Variants in EFCAB5 observed in about 807,000 individuals in gnomAD.
EFCAB5 encodes the protein EF-hand calcium-binding domain-containing protein 5.
EFCAB5 carries 131 observed loss-of-function variants against 167.9 expected under a neutral mutation model. The observed-to-expected ratio is 0.78, with a 90% confidence interval of 0.68 to 0.90. The LOEUF is 0.90. EFCAB5 is among the 40% of genes least tolerant of loss of function. The probability of loss-of-function intolerance (pLI) is 0.00; values close to 1 mark genes in which losing one functional copy is unlikely to be tolerated. For synonymous variants in EFCAB5, 574 were observed against 602.8 expected (o/e 0.95, Z 0.70); for missense variants, 1,663 against 1,745.2 (o/e 0.95, Z 0.84).
intron 3 of EFCAB5, among the ~76,000 whole-genome samples, chr17:29,967,941 C>G (rs1267879879): frequency 7.0e-6 from 1 of 143,576 alleles, no homozygotes; most frequent in Non-Finnish European, 1.5e-5. Flanking sequence ...GTGGCATGAT[C>G]GTGGCTCACT....
At chr17:30,092,227 T>C in intron 21 of EFCAB5, 70 bp downstream of exon 21, 1 of 1,458,206 alleles carries the variant, frequency 6.9e-7, no homozygotes, top group Non-Finnish European at 9.2e-7. Flanking sequence ...GTACAAATCA[T>C]AATTGCATAA....
At chr17:30,098,678 CTT>C (rs773543902) in intron 22 of EFCAB5, among the ~76,000 whole-genome samples, 18 of 152,152 alleles carry the variant, frequency 1.2e-4, no homozygotes, top group Non-Finnish European at 2.6e-4. Context: ...AAATTTCACT[CTT>C]TGTACATTTT....
intron 7 of EFCAB5, among the ~76,000 whole-genome samples, chr17:30,013,726 A>C (rs568311719): frequency 9.9e-5 from 15 of 151,422 alleles, no homozygotes; most frequent in Admixed American, 2.6e-4. Flanking sequence ...GCGGTCTATC[A>C]ATTTTGTTGA....
intron 7 of EFCAB5, among the ~76,000 whole-genome samples, chr17:30,016,848 G>A (rs2069054224): frequency 6.6e-6 from 1 of 152,030 alleles, no homozygotes; most frequent in Non-Finnish European, 1.5e-5. Context: ...AATGAGATAG[G>A]ATGAGGAATT....
chr17:29,997,636 A>G (rs1280108451), intron 6 of EFCAB5, among the ~76,000 whole-genome samples: 1 of 152,134 alleles, frequency 6.6e-6, no homozygotes, highest in African/African-American at 2.4e-5. Context: ...TTCTTGGAAA[A>G]TTCCACAGCA....
At chr17:30,099,146 C>G (rs2071346049) in intron 22 of EFCAB5, among the ~76,000 whole-genome samples, 1 of 152,178 alleles carries the variant, frequency 6.6e-6, no homozygotes, top group African/African-American at 2.4e-5. Context: ...GTATTTTCAG[C>G]TCTCTTGTAT....
At chr17:30,078,192 G>T (rs371467473) in intron 14 of EFCAB5, 23 bp from the exon 15 acceptor site, 1 of 1,589,090 alleles carries the variant, frequency 6.3e-7, no homozygotes, top group South Asian at 1.1e-5. Context: ...GTTAGTTCTT[G>T]GTTTCGTGTT....
chr17:30,012,491 C>T (rs1336430544), intron 7 of EFCAB5, among the ~76,000 whole-genome samples: 13 of 152,164 alleles, frequency 8.5e-5, no homozygotes, highest in South Asian at 2.1e-4. Flanking sequence ...CTCTCTGCCT[C>T]GGCTGCCAGG....
intron 4 of EFCAB5, among the ~76,000 whole-genome samples, chr17:29,978,080 G>T (rs1329581382): frequency 6.6e-6 from 1 of 152,180 alleles, no homozygotes; most frequent in Non-Finnish European, 1.5e-5. Context: ...GGGTCTTCCT[G>T]AGTTGCCAGG....
chr17:29,954,996 C>A (rs1294331784), intron 3 of EFCAB5, among the ~76,000 whole-genome samples: 1 of 152,174 alleles, frequency 6.6e-6, no homozygotes, highest in Non-Finnish European at 1.5e-5. Flanking sequence ...TTGTTTTGCC[C>A]AATTTCTCCC....
intron 8 of EFCAB5, among the ~76,000 whole-genome samples, chr17:30,035,686 G>A (rs902182791): frequency 6.6e-6 from 1 of 152,072 alleles, no homozygotes; most frequent in African/African-American, 2.4e-5. Flanking sequence ...ATTCTAACAA[G>A]GTCTGTACAG....
chr17:29,976,443 T>A (rs975011991), intron 4 of EFCAB5, among the ~76,000 whole-genome samples: 5 of 152,152 alleles, frequency 3.3e-5, no homozygotes, highest in Non-Finnish European at 7.4e-5. Flanking sequence ...CTGGCAGAAA[T>A]CCAAGATCTG....
Position 30,094,507 on chromosome 17 carries a change from C to CAAA in EFCAB5, c.4321+1596_4321+1598dup, listed in dbSNP as rs57885339. ...ACAACATGGCAAAATCTTGTCTCTC[C>CAAA]AAAAAAAAAAAAAAAAAAAAAAAAA... On this transcript the variant is annotated intron_variant, in intron 22 of 22. Transcript: ENST00000394835. 1.3e-3 allele frequency among the ~76,000 whole-genome samples: 51 copies of CAAA among 40,702 alleles called. 2 individuals carry two copies. Among genetic ancestry groups the CAAA allele is most frequent in the South Asian group, 8.2e-3 (8 of 974 alleles). The allele number at this position is 40,702 out of a possible 152,430, so 26.7% of individuals were successfully genotyped here. A position where few individuals can be genotyped will look rare whatever the true frequency, so the allele number is the denominator to read the frequency against.
intron 4 of EFCAB5, among the ~76,000 whole-genome samples, chr17:29,979,126 T>C (rs1314736283): frequency 1.3e-5 from 2 of 152,106 alleles, no homozygotes; most frequent in African/African-American, 4.8e-5. Flanking sequence ...CCGAGGTGGG[T>C]GGATCACGAG....
At chr17:30,076,418 G>A (rs1286129134) in intron 14 of EFCAB5, among the ~76,000 whole-genome samples, 1 of 152,234 alleles carries the variant, frequency 6.6e-6, no homozygotes, top group African/African-American at 2.4e-5. Flanking sequence ...TGGGAATGAA[G>A]TTGTTTCCCC....
intron 4 of EFCAB5, among the ~76,000 whole-genome samples, chr17:29,973,235 G>A (rs1338843969): frequency 6.6e-6 from 1 of 152,120 alleles, no homozygotes; most frequent in Non-Finnish European, 1.5e-5. Context: ...CAAACTTTAT[G>A]TGCCTTTCTG....
In EFCAB5 at chr17:30,080,860, C is replaced by A; in HGVS notation, c.3305C>A (p.Ser1102Ter). ...CGTAATAAGCATGATTATAATGGTT[C>A]ATTCCTGGCTCTGCCTCTTCAAGAT... ...QSRNKHDYNG[S>*]FLALPLQDAY... is the part of the protein sequence containing the mutation. The change falls in exon 17 of 23, where the codon TCA becomes TAA. Residue 1102 changes from serine (S) to a stop codon, truncating the protein, a stop_gained. Transcript: ENST00000394835. LOFTEE classifies it high-confidence loss of function. The A allele has an allele frequency of 6.2e-7, 1 of 1,613,834 alleles. No individual in the cohort carries two copies. Among genetic ancestry groups the A allele is most frequent in the Non-Finnish European group, 8.5e-7 (1 of 1,179,828 alleles).
At chr17:29,994,115 A>G (rs1315095397) in intron 5 of EFCAB5, among the ~76,000 whole-genome samples, 3 of 116,124 alleles carry the variant, frequency 2.6e-5, no homozygotes, top group African/African-American at 9.7e-5. Context: ...TAAAAACAAA[A>G]CAACAACAAC....
intron 7 of EFCAB5, among the ~76,000 whole-genome samples, chr17:30,008,077 TGATTGATG>T (rs1243816138): frequency 6.6e-6 from 1 of 151,308 alleles, no homozygotes; most frequent in African/African-American, 2.4e-5. Flanking sequence ...AGCAATCTAA[TGATTGATG>T]GGTTTTGCTG....
Sources: allele counts gnomAD v4.1 joint callset (sites outside exome capture counted in the v4.1 genomes callset), GRCh38; gene constraint gnomAD v4.1.1; transcripts MANE v1.5; gene names NCBI Gene and HGNC (gene_info 2026-07-23, HGNC 2026-07-21).